The following TRAPPC9 variants were observed in gnomAD, a reference collection of about 807,000 sequenced individuals.
The protein encoded by TRAPPC9 is trafficking protein particle complex subunit 9.
Under a neutral mutation model 124.0 loss-of-function variants are expected in TRAPPC9, and 83 were observed. That is an observed-to-expected ratio of 0.67 (90% CI 0.56 to 0.80). The LOEUF (loss-of-function observed/expected upper bound fraction) is 0.80. Among genes scored for constraint, TRAPPC9 ranks in the 30% least tolerant of loss-of-function variants. The pLI is 0.00. For missense variants in TRAPPC9, 1,302 were observed against 1,508.3 expected (o/e 0.86, Z 2.27); for synonymous variants, 638 against 617.5 (o/e 1.03, Z -0.49).
chr8:140,300,440 C>A, intron 11 of TRAPPC9, 29 bp downstream of exon 11: 1 of 1,613,908 alleles, frequency 6.2e-7, no homozygotes, highest in Non-Finnish European at 8.5e-7. Context: ...TGGCAGAGCA[C>A]GGTGGGAAAG....
chr8:140,197,744 A>C lies in TRAPPC9; in HGVS notation c.2556+23715T>G, dbSNP rs2062702596. On this transcript the variant is annotated intron_variant, in intron 17 of 22. Transcript: ENST00000438773. ...TCTTCAAAAGCACAGAATATAAAAC[A>C]AAAGAGAACAGAACAAAAGAAAACA... Among the ~76,000 whole-genome samples, 6 of 152,198 alleles carry C rather than the reference A, an allele frequency of 3.9e-5. No individual in the cohort carries two copies. The South Asian group carries it at 1.2e-3, about 31-fold the overall frequency.
At chr8:140,339,031 CCGACGGGAAACGGCT>C (rs1304095253) in intron 9 of TRAPPC9, among the ~76,000 whole-genome samples, 5 of 146,634 alleles carry the variant, frequency 3.4e-5, no homozygotes, top group Admixed American at 6.8e-5. Flanking sequence ...CACCTACAGG[CCGACGGGAAACGGCT>C]CAGAGAAAAC....
intron 16 of TRAPPC9, among the ~76,000 whole-genome samples, chr8:140,240,247 C>A (rs1186174759): frequency 2.2e-5 from 2 of 89,308 alleles, no homozygotes; most frequent in Non-Finnish European, 4.5e-5. Flanking sequence ...GCAAAAAGAA[C>A]TGCATTTTTC....
rs370603995 is a variant in TRAPPC9 at position 140,276,359 on chromosome 8, C to G, written c.2115-538G>C. 3.7e-4 allele frequency among the ~76,000 whole-genome samples: 56 copies of G among 152,166 alleles called. 1 individual carries two copies. The highest frequency in any genetic ancestry group is 1.3e-3 in the African/African-American group (52 of 41,428). Reference sequence around the variant, plus strand: ...AAACTGTAAGGAATGCCCACCAACACCTGGCGTCACATGAGGGCAGCTGGG... The same window carrying G: ...AAACTGTAAGGAATGCCCACCAACAGCTGGCGTCACATGAGGGCAGCTGGG... On this transcript the variant is annotated intron_variant, in intron 14 of 22. Coordinates refer to ENST00000438773, the MANE Select transcript of TRAPPC9 (RefSeq NM_001160372.4).
chr8:139,956,817 G>A (rs527635908), intron 19 of TRAPPC9, among the ~76,000 whole-genome samples: 2 of 152,274 alleles, frequency 1.3e-5, no homozygotes, highest in South Asian at 2.1e-4. Flanking sequence ...CCACACCCTG[G>A]AGGACAAGCA....
chr8:139,978,967 T>C (rs534043615), intron 19 of TRAPPC9, among the ~76,000 whole-genome samples: 5 of 152,170 alleles, frequency 3.3e-5, no homozygotes, highest in South Asian at 2.1e-4. Flanking sequence ...CTGGGTGGGC[T>C]TCACAGGAGA....
chr8:139,826,297 C>T (rs1361781854), intron 21 of TRAPPC9, among the ~76,000 whole-genome samples: 1 of 152,202 alleles, frequency 6.6e-6, no homozygotes, highest in Non-Finnish European at 1.5e-5. Context: ...CAGAGGACTA[C>T]ACTGCAGGTG....
rs143822752 is a variant in TRAPPC9, at chr8:140,122,691, G to A, written c.2557-98612C>T. Among the ~76,000 whole-genome samples, 1,290 of 152,286 alleles carry A rather than the reference G, an allele frequency of 8.5e-3. 9 individuals carry two copies. The highest frequency in any genetic ancestry group is 0.014 in the Non-Finnish European group (954 of 68,026). On this transcript the variant is annotated intron_variant, in intron 17 of 22. Coordinates refer to ENST00000438773, the MANE Select transcript of TRAPPC9 (RefSeq NM_001160372.4). ...GCCTCTTCTGTACCTCAAAGACTGG[G>A]TAATGAGTAGGGAGCGGCAGAGAGG...
chr8:140,175,090 T>C (rs938611578), intron 17 of TRAPPC9, among the ~76,000 whole-genome samples: 1 of 151,316 alleles, frequency 6.6e-6, no homozygotes, highest in Non-Finnish European at 1.5e-5. Context: ...GGGGAGTACA[T>C]GGTGTTGCCT....
intron 17 of TRAPPC9, chr8:140,040,521 A>G (rs922885440): frequency 1.3e-5 from 2 of 152,342 alleles, no homozygotes; most frequent in African/African-American, 4.8e-5. Flanking sequence ...CAGCCTCCCG[A>G]GTAGCTGGGA....
chr8:140,113,975 T>C (rs1027795367), intron 17 of TRAPPC9, among the ~76,000 whole-genome samples: 2 of 152,232 alleles, frequency 1.3e-5, no homozygotes, highest in Admixed American at 1.3e-4. Context: ...GGCTCATTTA[T>C]GTAAGAGCTG....
chr8:140,195,834 T>A (rs2062644789), intron 17 of TRAPPC9, among the ~76,000 whole-genome samples: 1 of 149,376 alleles, frequency 6.7e-6, no homozygotes, highest in Non-Finnish European at 1.5e-5. Flanking sequence ...CACTCAATGA[T>A]CCACCATACA....
intron 17 of TRAPPC9, among the ~76,000 whole-genome samples, chr8:140,151,391 C>G (rs762342378): frequency 6.6e-6 from 1 of 152,178 alleles, no homozygotes. Flanking sequence ...GGCTGCAAAC[C>G]CAGCAGTGGA....
chr8:139,806,704 A>G (rs1824088842), intron 21 of TRAPPC9, among the ~76,000 whole-genome samples: 1 of 152,226 alleles, frequency 6.6e-6, no homozygotes, highest in Admixed American at 6.5e-5. Context: ...GAAGTTGACC[A>G]GAGTCCATTT....
At position 139,729,498 on chromosome 8, in the gene TRAPPC9, C is replaced by T. The variant is rs539161630; in HGVS notation, c.*1563G>A. 6.6e-6 allele frequency among the ~76,000 whole-genome samples: 1 copy of T among 152,318 alleles called. No individual in the cohort carries two copies. The highest frequency in any genetic ancestry group is 2.1e-4 in the South Asian group (1 of 4,824). On this transcript the variant is annotated 3_prime_UTR_variant, in exon 23 of 23. Coordinates refer to ENST00000438773, the MANE Select transcript of TRAPPC9 (RefSeq NM_001160372.4). ...TCTGGGGCTGCCTTCCCTGGGGAGCCTCGAGCAGATGCTGAATGAGCTCCA... is the reference window on the plus strand; with the variant it reads ...TCTGGGGCTGCCTTCCCTGGGGAGCTTCGAGCAGATGCTGAATGAGCTCCA...
intron 21 of TRAPPC9, among the ~76,000 whole-genome samples, chr8:139,737,132 C>G (rs1268698240): frequency 6.6e-6 from 1 of 152,214 alleles, no homozygotes; most frequent in African/African-American, 2.4e-5. Context: ...CCGTCTGTGG[C>G]CCGCGCAGGG....
Position 139,910,246 on chromosome 8 carries a change from C to T in TRAPPC9, c.2865G>A (p.Gly955=), listed in dbSNP as rs773303311. 6.2e-7 allele frequency: 1 copy of T among 1,614,152 alleles called. No individual in the cohort carries two copies. Among genetic ancestry groups the T allele is most frequent in the Non-Finnish European group, 8.5e-7 (1 of 1,180,044 alleles). ...FNFESFPESP[G]EKGQFANPKQ... is the part of the protein sequence containing the mutation. The stretch of plus-strand genomic sequence containing the variant: ...TGGGGTTTGCAAATTGCCCCTTCTC[C>T]CCAGGGGACTCCGGGAAACTCTCAA... Residue 955 remains glycine (G), a synonymous_variant, in exon 20 of 23, where the codon GGG becomes GGA. Transcript: ENST00000438773.
At chr8:140,374,024 T>G (rs971922152) in intron 7 of TRAPPC9, among the ~76,000 whole-genome samples, 1 of 152,262 alleles carries the variant, frequency 6.6e-6, no homozygotes, top group Non-Finnish European at 1.5e-5. Context: ...GTGATGTAGC[T>G]CAATCTATCA....
At chr8:140,457,562 C>G (rs2071728113) in intron 1 of TRAPPC9, 77 bp downstream of exon 1, 2 of 977,618 alleles carry the variant, frequency 2.0e-6, no homozygotes, top group Non-Finnish European at 2.4e-6. Flanking sequence ...GACGCGCCGA[C>G]TCCACGGCCA....
Sources: allele counts gnomAD v4.1 joint callset (sites outside exome capture counted in the v4.1 genomes callset), GRCh38; gene constraint gnomAD v4.1.1; transcripts MANE v1.5; gene names NCBI Gene and HGNC (gene_info 2026-07-23, HGNC 2026-07-21).